IRS1: variants seen among roughly 807,000 people sequenced by gnomAD.
The protein encoded by IRS1 is insulin receptor substrate 1.
IRS1 carries 34 observed loss-of-function variants against 65.6 expected under a neutral mutation model. The observed-to-expected ratio is 0.52, with a 90% CI of 0.39 to 0.69. The LOEUF is 0.69. Ranked by LOEUF, IRS1 falls within the 30% of genes least tolerant of loss-of-function variation. The pLI, the probability that IRS1 is intolerant of heterozygous loss-of-function variation, is 0.00. For missense variants in IRS1, 1,641 were observed against 1,720.2 expected, an observed-to-expected ratio of 0.95 and a Z score of 0.81; for synonymous variants, 699 against 683.5, an observed-to-expected ratio of 1.02 and a Z score of -0.35.
rs1469982659 is a variant in IRS1, at chr2:226,735,356, A to G, written c.*916T>C. The stretch of plus-strand genomic sequence containing the variant: ...TCTCCTTCTGTTTACAATACATGCA[A>G]TGGAAGACTTTAATTTCCTCTTCTT... On this transcript the variant is annotated 3_prime_UTR_variant, in exon 2 of 2. Transcript: ENST00000305123. 1 of 152,238 alleles carries G rather than the reference A, an allele frequency of 6.6e-6. No homozygotes were observed. Among genetic ancestry groups the G allele is most frequent in the Non-Finnish European group, 1.5e-5 (1 of 68,034 alleles). The allele number at this position is 152,238 out of a possible 1,614,324, so 9.4% of individuals were successfully genotyped here.
intron 1 of IRS1, among the ~76,000 whole-genome samples, chr2:226,740,940 A>C (rs890901502): frequency 2.0e-5 from 3 of 152,176 alleles, no homozygotes; most frequent in African/African-American, 7.2e-5. Context: ...CCTCCACTTA[A>C]AGAAATGAAT....
Position 226,798,272 on chromosome 2 carries a change from G to T in IRS1, c.467C>A (p.Pro156Gln). ...CCAGACCTCTTTGAATGCGGGTCCTGGGGGCACGTCACCGTAGCTCAAGTC... is the reference window on the plus strand; with the variant it reads ...CCAGACCTCTTTGAATGCGGGTCCTTGGGGCACGTCACCGTAGCTCAAGTC... ...GEDLSYGDVPPGPAFKEVWQV... is the reference protein window; with the variant it reads ...GEDLSYGDVPQGPAFKEVWQV... The change falls in exon 1 of 2, where the codon CCA becomes CAA. Residue 156 changes from proline to glutamine, a missense_variant. By Grantham distance (76) the Pro-to-Gln change is moderately conservative. This residue lies in a region of IRS1 where 240 missense variants were observed against 229.6 expected (regional missense o/e 1.05). Transcript: ENST00000305123. The surrounding 1 kb of genome is among the most constrained non-coding windows in gnomAD (Gnocchi z 9.4). 3 of 1,613,096 alleles carry T rather than the reference G, an allele frequency of 1.9e-6. No individual in the cohort carries two copies. Among genetic ancestry groups the T allele is most frequent in the Non-Finnish European group, 2.5e-6 (3 of 1,179,900 alleles).
chr2:226,784,149 G>C (rs988824914), intron 1 of IRS1, among the ~76,000 whole-genome samples: 2 of 152,056 alleles, frequency 1.3e-5, no homozygotes, highest in African/African-American at 4.8e-5. Context: ...GTAAATGATT[G>C]ATGTTTTAAA....
At chr2:226,739,931 G>T (rs899779118) in intron 1 of IRS1, among the ~76,000 whole-genome samples, 51 of 152,200 alleles carry the variant, frequency 3.4e-4, no homozygotes, top group African/African-American at 1.1e-3. Context: ...ATAAGCAGGG[G>T]AAAAGCCCGC....
intron 1 of IRS1, among the ~76,000 whole-genome samples, chr2:226,782,151 G>T (rs1365398518): frequency 6.6e-6 from 1 of 151,940 alleles, no homozygotes. Flanking sequence ...GTGGGTTAGG[G>T]GGGTGGACTG....
In IRS1 at chr2:226,799,691, C is replaced by G; in HGVS notation, c.-953G>C. 3 of 1,000,206 alleles carry G rather than the reference C, an allele frequency of 3.0e-6. No homozygotes were observed. The South Asian group carries it at 1.4e-4, about 47-fold the overall frequency. 62.0% of individuals were successfully genotyped at this position (1,000,206 alleles called of 1,614,324 possible). On this transcript the variant is annotated 5_prime_UTR_variant, in exon 1 of 2. Coordinates refer to ENST00000305123, the MANE Select transcript of IRS1 (RefSeq NM_005544.3). This position sits in a 1 kb window ranked among gnomAD's most constrained non-coding sequence, Gnocchi z 6.1. Reference sequence around the variant, plus strand: ...CTCCTCCTCCTCCTCGGAGAGTTGCCGAGAGCCCCAACCAAAACAAGCGGC... The same window carrying G: ...CTCCTCCTCCTCCTCGGAGAGTTGCGGAGAGCCCCAACCAAAACAAGCGGC...
At chr2:226,785,473 C>T (rs1456774893) in intron 1 of IRS1, among the ~76,000 whole-genome samples, 1 of 152,082 alleles carries the variant, frequency 6.6e-6, no homozygotes, top group Non-Finnish European at 1.5e-5. Context: ...TGTGGTGGCG[C>T]ACGCCTGTAA....
At chr2:226,764,401 G>C (rs899375648) in intron 1 of IRS1, among the ~76,000 whole-genome samples, 4 of 151,962 alleles carry the variant, frequency 2.6e-5, no homozygotes, top group Non-Finnish European at 4.4e-5. Context: ...AAAGTTAGCT[G>C]AACATGATGG....
intron 1 of IRS1, among the ~76,000 whole-genome samples, chr2:226,776,724 T>C (rs1939281200): frequency 6.6e-6 from 1 of 152,168 alleles, no homozygotes; most frequent in Non-Finnish European, 1.5e-5. Flanking sequence ...CTGGCCAACA[T>C]GGTGAAACCC....
chr2:226,785,155 A>C (rs1229658073), intron 1 of IRS1, among the ~76,000 whole-genome samples: 2 of 152,234 alleles, frequency 1.3e-5, no homozygotes, highest in East Asian at 3.8e-4. Flanking sequence ...AGTCTTCAAA[A>C]AGATCCTTAA....
intron 1 of IRS1, among the ~76,000 whole-genome samples, chr2:226,740,986 A>T (rs1221869236): frequency 6.6e-6 from 1 of 152,166 alleles, no homozygotes; most frequent in Non-Finnish European, 1.5e-5. Context: ...TAACATAAAC[A>T]GCTGTGTGCT....
At chr2:226,741,130 A>C (rs763106970) in intron 1 of IRS1, among the ~76,000 whole-genome samples, 1 of 152,200 alleles carries the variant, frequency 6.6e-6, no homozygotes, top group Non-Finnish European at 1.5e-5. Context: ...GTAATTTCAC[A>C]ATCTACTTAA....
At position 226,766,140 on chromosome 2, in the gene IRS1, TATATATATATATATATATATATA is replaced by T. The variant is rs1559151943; in HGVS notation, c.*21+28826_*21+28848del. On this transcript the variant is annotated intron_variant, in intron 1 of 1. Coordinates refer to ENST00000305123, the MANE Select transcript of IRS1 (RefSeq NM_005544.3). Reference sequence around the variant, plus strand: ...TTAATCTTATATATATATATATATATATATATATATATATATATATATATTTTTTTTTTTTTTTTTTGAGACAG... The same window carrying T: ...TTAATCTTATATATATATATATATATTTTTTTTTTTTTTTTTTTGAGACAG... Among the ~76,000 whole-genome samples, 26 of 4,242 alleles carry T rather than the reference TATATATATATATATATATATATA, an allele frequency of 6.1e-3. 1 individual carries two copies. In the East Asian group the frequency reaches 0.071, roughly 12 times the overall value. The allele number at this position is 4,242 out of a possible 152,430, so 2.8% of individuals were successfully genotyped here.
rs1574665173 is a variant in IRS1, at chr2:226,796,382, T to C, written c.2357A>G (p.His786Arg). The C allele has an allele frequency of 6.2e-7, 1 of 1,613,352 alleles. No individual in the cohort carries two copies. Among genetic ancestry groups the C allele is most frequent in the Non-Finnish European group, 8.5e-7 (1 of 1,180,034 alleles). ...GCTAGTGGAAAGGCGGAGGTGCTGA[T>C]GCCGGGCACCCTCCTCCGGCTCCCC... The part of the protein sequence containing the change: ...RPGEPEEGAR[H>R]QHLRLSTSSG... Residue 786 changes from histidine to arginine, a missense_variant, in exon 1 of 2, where the codon CAT becomes CGT. This residue lies in a region of IRS1 where 1,324 missense variants were observed against 1,361.0 expected (regional missense o/e 0.97). Transcript: ENST00000305123.
chr2:226,759,953 T>A (rs1938881509), intron 1 of IRS1, among the ~76,000 whole-genome samples: 1 of 152,186 alleles, frequency 6.6e-6, no homozygotes, highest in African/African-American at 2.4e-5. Context: ...GGCAGGCAGA[T>A]CGCTTGAGCT....
At chr2:226,745,737 C>A (rs1004877787) in intron 1 of IRS1, among the ~76,000 whole-genome samples, 4 of 152,128 alleles carry the variant, frequency 2.6e-5, no homozygotes, top group Non-Finnish European at 5.9e-5. Context: ...GAACTAGAAA[C>A]CCTTGGATCC....
rs561708882 is a variant in IRS1, at chr2:226,794,842, T to C, written c.*21+147A>G. On this transcript the variant is annotated intron_variant, in intron 1 of 1. Transcript: ENST00000305123. This position sits in a 1 kb window ranked among gnomAD's most constrained non-coding sequence, Gnocchi z 4.1. The stretch of plus-strand genomic sequence containing the variant: ...CTCTCTGCCAGATGTCAGTGTGGGG[T>C]GAGCATCTTGTGTGCCCTGAGAATG... 6.2e-5 allele frequency: 47 copies of C among 762,326 alleles called. 1 individual carries two copies. In the African/African-American group the frequency reaches 7.9e-4, roughly 13 times the overall value. 47.2% of individuals were successfully genotyped at this position (762,326 alleles called of 1,614,324 possible).
chr2:226,737,973 C>T (rs1333480498), intron 1 of IRS1, among the ~76,000 whole-genome samples: 1 of 152,132 alleles, frequency 6.6e-6, no homozygotes, highest in Non-Finnish European at 1.5e-5. Context: ...CGTGAGCAGG[C>T]TCAAGTAGAG....
intron 1 of IRS1, among the ~76,000 whole-genome samples, chr2:226,757,518 A>C (rs1379986374): frequency 2.6e-5 from 4 of 152,186 alleles, no homozygotes; most frequent in Non-Finnish European, 4.4e-5. Context: ...CAGGAGGCTG[A>C]GGCAAGAAAA....
Sources: gnomAD v4.1 joint callset for allele counts (sites outside exome capture counted in the v4.1 genomes callset) on GRCh38, gnomAD v4.1.1 for gene constraint, gnomAD v4.1.1 regional missense constraint, Gnocchi (gnomAD v3.1) non-coding constraint, MANE v1.5 for transcripts, NCBI Gene and HGNC (gene_info 2026-07-23, HGNC 2026-07-21) for gene names.